CDH17: variants seen among roughly 807,000 people sequenced by gnomAD.
CDH17 encodes cadherin-17.
CDH17 carries 67 observed loss-of-function variants against 86.3 expected under a neutral mutation model. The ratio of observed to expected loss-of-function variants is 0.78; its 90% CI spans 0.64 to 0.95. The LOEUF is 0.95. Among genes scored for constraint, CDH17 ranks in the 40% least tolerant of loss-of-function variants. CDH17 has a pLI of 0.00. For synonymous variants in CDH17, 367 were observed against 366.4 expected (o/e 1.00, Z -0.02); for missense variants, 993 against 1,017.6 (o/e 0.98, Z 0.33).
At chr8:94,167,613 G>C (rs1431711526) in intron 9 of CDH17, among the ~76,000 whole-genome samples, 2 of 152,198 alleles carry the variant, frequency 1.3e-5, no homozygotes, top group Admixed American at 6.5e-5. Context: ...TGCAAGAAAA[G>C]TATCTGTGTG....
intron 3 of CDH17, among the ~76,000 whole-genome samples, chr8:94,184,603 G>A (rs572429246): frequency 6.6e-6 from 1 of 152,248 alleles, no homozygotes; most frequent in South Asian, 2.1e-4. Context: ...CTATTAATAG[G>A]CATAGGATTT....
chr8:94,196,053 C>T (rs1367633630), intron 1 of CDH17, among the ~76,000 whole-genome samples: 1 of 152,194 alleles, frequency 6.6e-6, no homozygotes, highest in Admixed American at 6.5e-5. Flanking sequence ...AGCCACCACA[C>T]CTGGCTGAGT....
upstream of CDH17, among the ~76,000 whole-genome samples, chr8:94,212,229 C>T (rs923315254): frequency 1.3e-5 from 2 of 152,162 alleles, no homozygotes; most frequent in Non-Finnish European, 2.9e-5. Context: ...GATCTCGGCT[C>T]ACCGCAGCCT....
intron 14 of CDH17, among the ~76,000 whole-genome samples, chr8:94,146,939 C>T (rs1812755840): frequency 6.6e-6 from 1 of 152,150 alleles, no homozygotes; most frequent in African/African-American, 2.4e-5. Flanking sequence ...CTAGTAAACC[C>T]TGTTTTCTTG....
chr8:94,158,683 T>C (rs1385813664), intron 12 of CDH17, among the ~76,000 whole-genome samples: 1 of 152,152 alleles, frequency 6.6e-6, no homozygotes. Context: ...TGGTACCTTT[T>C]CCAAATGTCA....
In CDH17 at chr8:94,148,769, C is replaced by T. The variant is rs763547244; in HGVS notation, c.1902G>A (p.Arg634=). The T allele has an allele frequency of 3.2e-6, 5 of 1,579,100 alleles. No individual in the cohort carries two copies. The South Asian group carries it at 5.8e-5, about 18-fold the overall frequency. Residue 634 remains arginine (R), a synonymous_variant, in exon 14 of 18, where the codon CGG becomes CGA. Transcript: ENST00000027335. ...PLDREAGSPY[R]VQVVATEVGG... ...CTACTTCTGTGGCCACCACTTGTAC[C>T]CGATATGGACTTCCGGCTTCTCTGT...
At chr8:94,132,030 A>G (rs946577540) in intron 15 of CDH17, among the ~76,000 whole-genome samples, 1 of 152,196 alleles carries the variant, frequency 6.6e-6, no homozygotes, top group East Asian at 1.9e-4. Flanking sequence ...TGGCTGCATA[A>G]TATTCCATGG....
intron 9 of CDH17, among the ~76,000 whole-genome samples, chr8:94,166,506 G>C (rs1813160375): frequency 6.6e-6 from 1 of 152,162 alleles, no homozygotes; most frequent in South Asian, 2.1e-4. Context: ...CTGGGGGAGG[G>C]GGAAGATGTA....
chr8:94,145,903 T>C, intron 15 of CDH17, 25 bp downstream of exon 15: 1 of 1,602,556 alleles, frequency 6.2e-7, no homozygotes, highest in Non-Finnish European at 8.5e-7. Flanking sequence ...TCTATGTTTT[T>C]TTCCATGTAT....
rs760876203 is a variant in CDH17, at chr8:94,151,985, A to G, written c.1679T>C (p.Val560Ala). The G allele has an allele frequency of 3.7e-6, 6 of 1,614,062 alleles. No individual in the cohort carries two copies. The highest frequency in any genetic ancestry group is 5.1e-6 in the Non-Finnish European group (6 of 1,180,032). ...TTGGGAAAATTGAGGTGCTTCATTCACATCTGTCACAATAAGCGTGAACTT... is the reference window on the plus strand; with the variant it reads ...TTGGGAAAATTGAGGTGCTTCATTCGCATCTGTCACAATAAGCGTGAACTT... ...FAKFTLIVTD[V>A]NEAPQFSQHV... is the part of the protein sequence containing the mutation. The change falls in exon 13 of 18, where the codon GTG becomes GCG. Residue 560 changes from valine to alanine, a missense_variant. Physicochemically the swap from Val to Ala is moderately conservative, Grantham distance 64. Transcript: ENST00000027335.
rs1229800636 is a variant in CDH17 at position 94,148,845 on chromosome 8, C to T, written c.1826G>A (p.Trp609Ter). 2 of 1,610,694 alleles carry T rather than the reference C, an allele frequency of 1.2e-6. No individual in the cohort carries two copies. Among genetic ancestry groups the T allele is most frequent in the Non-Finnish European group, 1.7e-6 (2 of 1,178,748 alleles). The part of the protein sequence containing the change: ...SYSLRGDTRG[W>*]LKIDHVTGEI... ...ACCAGTCACGTGGTCAATTTTAAGC[C>T]AACCTCTTGTGTCTCCCCTCAGTGA... Residue 609 changes from tryptophan to a stop codon, truncating the protein, a stop_gained, in exon 14 of 18, where the codon TGG becomes TAG. Transcript: ENST00000027335. LOFTEE classifies it high-confidence loss of function.
At position 94,152,017 on chromosome 8, in the gene CDH17, A is replaced by T. The variant is rs1361082893; in HGVS notation, c.1647T>A (p.Ser549=). 1 of 1,614,096 alleles carries T rather than the reference A, an allele frequency of 6.2e-7. No homozygotes were observed. Among genetic ancestry groups the T allele is most frequent in the Non-Finnish European group, 8.5e-7 (1 of 1,180,038 alleles). Reference sequence around the variant, plus strand: ...TCACAATAAGCGTGAACTTGGCAAAAGAACTTGCATTGTACTTCACACCAA... The same window carrying T: ...TCACAATAAGCGTGAACTTGGCAAATGAACTTGCATTGTACTTCACACCAA... ...LVFGVKYNAS[S]FAKFTLIVTD... The change falls in exon 13 of 18, where the codon TCT becomes TCA. Residue 549 remains serine (S), a synonymous_variant. Coordinates refer to ENST00000027335, the MANE Select transcript of CDH17 (RefSeq NM_004063.4).
At position 94,174,313 on chromosome 8, in the gene CDH17, C is replaced by A. The variant is rs1244071850; in HGVS notation, c.425-53G>T. ...AAAAAAAAAAGATATTAATTGAAAC[C>A]CAAACCAACCATAGCTACTTTTTCC... On this transcript the variant is annotated intron_variant, in intron 5 of 17. Coordinates refer to ENST00000027335, the MANE Select transcript of CDH17 (RefSeq NM_004063.4). 5.3e-6 allele frequency: 8 copies of A among 1,512,402 alleles called. No homozygotes were observed. The Admixed American group carries it at 1.7e-4, about 33-fold the overall frequency. The allele number at this position is 1,512,402 out of a possible 1,614,324, so 93.7% of individuals were successfully genotyped here.
upstream of CDH17, among the ~76,000 whole-genome samples, chr8:94,209,164 A>C (rs1431482597): frequency 6.6e-6 from 1 of 152,060 alleles, no homozygotes; most frequent in African/African-American, 2.4e-5. Context: ...TCCCCCCCAC[A>C]ATTCAGGGAA....
At chr8:94,181,376 A>G (rs1041042154) in intron 3 of CDH17, among the ~76,000 whole-genome samples, 1 of 152,222 alleles carries the variant, frequency 6.6e-6, no homozygotes, top group Admixed American at 6.5e-5. Context: ...AGTCACATGG[A>G]ACATTCTCCA....
At chr8:94,187,338 G>A (rs1236590668) in intron 3 of CDH17, among the ~76,000 whole-genome samples, 1 of 152,212 alleles carries the variant, frequency 6.6e-6, no homozygotes, top group Non-Finnish European at 1.5e-5. Context: ...CAGTGCATGT[G>A]TCTGTTTCCT....
At chr8:94,172,044 C>G (rs899290102) in intron 7 of CDH17, among the ~76,000 whole-genome samples, 17 of 144,314 alleles carry the variant, frequency 1.2e-4, no homozygotes, top group African/African-American at 3.8e-4. Flanking sequence ...CCCTCTCCCC[C>G]TCTCTCTTTC....
intron 2 of CDH17, among the ~76,000 whole-genome samples, chr8:94,192,853 C>G (rs1813712411): frequency 6.6e-6 from 1 of 152,192 alleles, no homozygotes; most frequent in Non-Finnish European, 1.5e-5. Flanking sequence ...GTGTTTCTAA[C>G]CCTCTGATAA....
chr8:94,136,658 A>T (rs1270457661), intron 15 of CDH17, among the ~76,000 whole-genome samples: 1 of 152,208 alleles, frequency 6.6e-6, no homozygotes, highest in East Asian at 1.9e-4. Flanking sequence ...CGTCAAAGTC[A>T]TTCTCCATCC....
Sources: gnomAD v4.1 joint callset for allele counts (sites outside exome capture counted in the v4.1 genomes callset) on GRCh38, gnomAD v4.1.1 for gene constraint, MANE v1.5 for transcripts, NCBI Gene and HGNC (gene_info 2026-07-23, HGNC 2026-07-21) for gene names.